The following UNC13A variants were observed in gnomAD, a reference collection of about 807,000 sequenced individuals.
UNC13A encodes unc-13 homolog A.
A neutral mutation model predicts 219.7 loss-of-function variants in UNC13A; 61 were observed. That is an observed-to-expected ratio of 0.28 (90% CI 0.23 to 0.34). The LOEUF is 0.34. Ranked by LOEUF, UNC13A falls within the 10% of genes least tolerant of loss-of-function variation. The pLI is 1.00. For missense variants in UNC13A, 1,476 were observed against 2,270.3 expected (o/e 0.65, Z 7.11); for synonymous variants, 920 against 884.6 (o/e 1.04, Z -0.71).
chr19:17,628,352 A>C (rs1432437144), intron 31 of UNC13A: 1 of 216,650 alleles, frequency 4.6e-6, no homozygotes, highest in Non-Finnish European at 9.3e-6. Flanking sequence ...GACCCCCCCC[A>C]CAGATACACA....
At chr19:17,681,177 C>T (rs1040463191) in intron 1 of UNC13A, among the ~76,000 whole-genome samples, 3 of 146,810 alleles carry the variant, frequency 2.0e-5, no homozygotes, top group Non-Finnish European at 1.5e-5. Flanking sequence ...GAATTACAGG[C>T]GTGAACCACA....
intron 22 of UNC13A, among the ~76,000 whole-genome samples, 153 bp downstream of exon 22, chr19:17,640,358 C>T (rs1266629072): frequency 1.3e-5 from 2 of 152,154 alleles, no homozygotes; most frequent in Admixed American, 1.3e-4. Flanking sequence ...TAGCATTCTA[C>T]AGAGGAATAA....
intron 8 of UNC13A, 121 bp downstream of exon 8, chr19:17,663,411 C>A: frequency 9.1e-7 from 1 of 1,094,996 alleles, no homozygotes; most frequent in South Asian, 1.4e-5. Context: ...GCCCTCTGGC[C>A]CCCACGTGCT....
At chr19:17,620,069 T>G (rs184332909) in intron 38 of UNC13A, among the ~76,000 whole-genome samples, 5 of 152,346 alleles carry the variant, frequency 3.3e-5, no homozygotes, top group East Asian at 1.9e-4. Flanking sequence ...GGAAGGCATG[T>G]GTCTAGCCTC....
At chr19:17,629,431 AG>A in intron 30 of UNC13A, 108 bp from the exon 31 acceptor site, 1 of 986,672 alleles carries the variant, frequency 1.0e-6, no homozygotes, top group Non-Finnish European at 1.5e-6. Context: ...AAACCCTATT[AG>A]GACCTAAGAT....
intron 4 of UNC13A, among the ~76,000 whole-genome samples, chr19:17,670,335 G>C (rs2079761604): frequency 6.6e-6 from 1 of 151,986 alleles, no homozygotes; most frequent in Admixed American, 6.6e-5. Flanking sequence ...CCGCTTCCCA[G>C]GCTCAAGTGA....
At chr19:17,650,229 G>C (rs1568526692) in intron 12 of UNC13A, among the ~76,000 whole-genome samples, 1 of 152,166 alleles carries the variant, frequency 6.6e-6, no homozygotes, top group South Asian at 2.1e-4. Context: ...ATATAAATGA[G>C]GCCAGGAGTG....
chr19:17,677,845 G>C (rs2079928556), intron 1 of UNC13A, among the ~76,000 whole-genome samples: 1 of 152,198 alleles, frequency 6.6e-6, no homozygotes, highest in Non-Finnish European at 1.5e-5. Flanking sequence ...AACGTTGGCA[G>C]TTCCTTGTTC....
chr19:17,606,258 G>T lies in UNC13A; in HGVS notation c.4908C>A (p.Ala1636=), dbSNP rs775862657. ...GGGCCAGCTCACGCAGCTGCAGCAC[G>T]GCCAGCCCCACCGTGCGGTCCTCGC... The part of the protein sequence containing the change: ...FAREDRTVGL[A]VLQLRELAQR... The change falls in exon 44 of 44, where the codon GCC becomes GCA. Residue 1636 remains alanine, a synonymous_variant. Coordinates refer to ENST00000519716, the MANE Select transcript of UNC13A (RefSeq NM_001080421.3). 1 of 1,547,622 alleles carries T rather than the reference G, an allele frequency of 6.5e-7. No individual in the cohort carries two copies. The highest frequency in any genetic ancestry group is 1.2e-5 in the South Asian group (1 of 84,086).
intron 26 of UNC13A, among the ~76,000 whole-genome samples, chr19:17,633,668 T>C (rs974539874): frequency 6.6e-6 from 1 of 152,062 alleles, no homozygotes; most frequent in Non-Finnish European, 1.5e-5. Context: ...CATCCATCCC[T>C]CTATCCATTC....
At chr19:17,671,521 A>G (rs1023347912) in intron 4 of UNC13A, among the ~76,000 whole-genome samples, 1 of 152,132 alleles carries the variant, frequency 6.6e-6, no homozygotes, top group African/African-American at 2.4e-5. Flanking sequence ...CTGTAATACC[A>G]GCACTTTGGG....
At chr19:17,668,304 C>T in intron 5 of UNC13A, 114 bp from the exon 6 acceptor site, 1 of 995,116 alleles carries the variant, frequency 1.0e-6, no homozygotes, top group South Asian at 1.5e-5. Flanking sequence ...TTTGGCAAAG[C>T]CTCAGAAGTA....
At chr19:17,618,051 A>G (rs1040362260) in intron 40 of UNC13A, among the ~76,000 whole-genome samples, 2 of 152,004 alleles carry the variant, frequency 1.3e-5, no homozygotes, top group African/African-American at 4.8e-5. Flanking sequence ...GGCTTCTCCC[A>G]CCTTGGGCTC....
rs939400979 is a variant in UNC13A, at chr19:17,604,270, C to T, written c.*1784G>A. 6.6e-6 allele frequency: 1 copy of T among 152,162 alleles called. No individual in the cohort carries two copies. Among genetic ancestry groups the T allele is most frequent in the African/African-American group, 2.4e-5 (1 of 41,414 alleles). The allele number at this position is 152,162 out of a possible 1,614,324, so 9.4% of individuals were successfully genotyped here. On this transcript the variant is annotated 3_prime_UTR_variant, in exon 44 of 44. Transcript: ENST00000519716. ...TAAAACAGCTCCTGGAGCTCCCCAA[C>T]TGTCTTAGAATAAAAGTAAAACTCC...
At chr19:17,647,888 C>T (rs1223565720) in intron 16 of UNC13A, among the ~76,000 whole-genome samples, 1 of 147,140 alleles carries the variant, frequency 6.8e-6, no homozygotes, top group African/African-American at 2.5e-5. Flanking sequence ...CTCTGAGCCC[C>T]ACTCCTCTGA....
chr19:17,607,829 A>G (rs1324945263), intron 43 of UNC13A, among the ~76,000 whole-genome samples: 1 of 144,498 alleles, frequency 6.9e-6, no homozygotes, highest in South Asian at 2.2e-4. Flanking sequence ...GATGACCCCA[A>G]CTCTACCCTT....
At chr19:17,623,581 AG>A (rs1265267913) in intron 35 of UNC13A, 34 bp from the exon 36 acceptor site, 2 of 379,486 alleles carry the variant, frequency 5.3e-6, no homozygotes, top group Non-Finnish European at 9.1e-6. Context: ...GCGGTGGGGG[AG>A]GGGGGAATAA....
intron 43 of UNC13A, 69 bp from the exon 44 acceptor site, chr19:17,606,423 C>G: frequency 6.6e-7 from 1 of 1,508,498 alleles, no homozygotes; most frequent in Non-Finnish European, 8.8e-7. Context: ...GGCCCCGTCC[C>G]CACCGCATTT....
Position 17,649,039 on chromosome 19 carries a change from C to A in UNC13A, c.1525-56G>T, listed in dbSNP as rs1017653615. On this transcript the variant is annotated intron_variant, in intron 14 of 43. Transcript: ENST00000519716. This position sits in a 1 kb window ranked among gnomAD's most constrained non-coding sequence, Gnocchi z 4.4. ...GGGTTGACATCCATGAGATCACCAC[C>A]AGGAGAGTTCACAGCCACGGATGGG... is the stretch of plus-strand genomic sequence containing the variant. 4 of 1,517,468 alleles carry A rather than the reference C, an allele frequency of 2.6e-6. No individual in the cohort carries two copies. Among genetic ancestry groups the A allele is most frequent in the African/African-American group, 2.8e-5 (2 of 71,762 alleles). The allele number at this position is 1,517,468 out of a possible 1,614,324, so 94.0% of individuals were successfully genotyped here.
Sources: gnomAD v4.1 joint callset for allele counts (sites outside exome capture counted in the v4.1 genomes callset) on GRCh38, gnomAD v4.1.1 for gene constraint, Gnocchi (gnomAD v3.1) non-coding constraint, MANE v1.5 for transcripts, NCBI Gene and HGNC (gene_info 2026-07-23, HGNC 2026-07-21) for gene names.